The following REC114 variants were observed in gnomAD, a reference collection of about 807,000 sequenced individuals.
REC114 encodes meiotic recombination protein REC114.
Under a neutral mutation model 31.3 loss-of-function variants are expected in REC114, and 27 were observed. The observed-to-expected ratio is 0.86, with a 90% CI of 0.64 to 1.19. The LOEUF (loss-of-function observed/expected upper bound fraction) is 1.19. REC114 is among the 50% of genes most tolerant of loss of function. REC114 has a pLI of 0.00. For synonymous variants in REC114, 134 were observed against 127.7 expected (o/e 1.05, Z -0.33); for missense variants, 344 against 326.9 (o/e 1.05, Z -0.40).
At chr15:73,466,394 A>G (rs1893059737) in intron 1 of REC114, among the ~76,000 whole-genome samples, 1 of 151,928 alleles carries the variant, frequency 6.6e-6, no homozygotes, top group African/African-American at 2.4e-5. Flanking sequence ...CTCTACCAAA[A>G]ATACAAAAAA....
intron 3 of REC114, among the ~76,000 whole-genome samples, chr15:73,542,149 G>T (rs1378074591): frequency 6.6e-6 from 1 of 151,872 alleles, no homozygotes; most frequent in Non-Finnish European, 1.5e-5. Context: ...TGGACAACGT[G>T]ATGAAACCCC....
chr15:73,559,017 A>G lies in REC114; in HGVS notation c.637-735A>G, dbSNP rs138034093. Among the ~76,000 whole-genome samples, 8 of 152,354 alleles carry G rather than the reference A, an allele frequency of 5.3e-5. No individual in the cohort carries two copies. The East Asian group carries it at 1.5e-3, about 29-fold the overall frequency. On this transcript the variant is annotated intron_variant, in intron 5 of 5. Transcript: ENST00000331090. Reference sequence around the variant, plus strand: ...AACATCATGGATTAATCCCAAATGTATTCATTATGCTAAGTGTAAGAAGCC... The same window carrying G: ...AACATCATGGATTAATCCCAAATGTGTTCATTATGCTAAGTGTAAGAAGCC...
At chr15:73,450,678 A>G (rs1272769410) in intron 1 of REC114, among the ~76,000 whole-genome samples, 2 of 152,248 alleles carry the variant, frequency 1.3e-5, no homozygotes, top group Admixed American at 6.5e-5. Flanking sequence ...TCGAGAGAAT[A>G]TACATTCTTC....
At chr15:73,465,144 G>A (rs902419480) in intron 1 of REC114, among the ~76,000 whole-genome samples, 30 of 152,128 alleles carry the variant, frequency 2.0e-4, no homozygotes, top group African/African-American at 6.5e-4. Flanking sequence ...TGCCTGCTTC[G>A]GCCTCCCAAA....
chr15:73,544,425 CAATTT>C (rs1894281762), intron 3 of REC114, among the ~76,000 whole-genome samples: 1 of 152,132 alleles, frequency 6.6e-6, no homozygotes, highest in African/African-American at 2.4e-5. Context: ...CCTTTTATAG[CAATTT>C]AATATAAATT....
chr15:73,443,217 T>C lies in REC114; in HGVS notation c.32T>C (p.Leu11Pro). 6.3e-7 allele frequency: 1 copy of C among 1,575,880 alleles called. No individual in the cohort carries two copies. Among genetic ancestry groups the C allele is most frequent in the Non-Finnish European group, 8.6e-7 (1 of 1,161,768 alleles). The change falls in exon 1 of 6, where the codon CTC (leucine) becomes CCC (proline). Residue 11 changes from leucine (L) to proline (P), a missense_variant. Transcript: ENST00000331090. ...GAGGCAGGAAAAGTGCCCTTGAGCC[T>C]CGGGCTTACCGGAGGAGAAGCGGCA... MAEAGKVPLS[L>P]GLTGGEAAEW... is the part of the protein sequence containing the mutation.
At chr15:73,460,320 T>A (rs1279489763) in intron 1 of REC114, among the ~76,000 whole-genome samples, 3 of 152,180 alleles carry the variant, frequency 2.0e-5, no homozygotes, top group Non-Finnish European at 4.4e-5. Context: ...CCAAGAGTAT[T>A]AAAATTCATT....
At chr15:73,513,756 C>T (rs1482287509) in intron 2 of REC114, among the ~76,000 whole-genome samples, 136 of 151,540 alleles carry the variant, frequency 9.0e-4, no homozygotes, top group African/African-American at 2.9e-3. Flanking sequence ...TTAGGCTGCT[C>T]GGGGGTCAGG....
chr15:73,510,286 T>A (rs562960285), intron 2 of REC114, among the ~76,000 whole-genome samples: 650 of 152,358 alleles, frequency 4.3e-3, no homozygotes, highest in Non-Finnish European at 7.6e-3. Flanking sequence ...TTTTGCACAC[T>A]GATTTTGTAT....
intron 2 of REC114, among the ~76,000 whole-genome samples, chr15:73,487,109 CT>C (rs1323837024): frequency 6.6e-6 from 1 of 152,116 alleles, no homozygotes; most frequent in Non-Finnish European, 1.5e-5. Context: ...ACTTAATCAC[CT>C]CTTAAAGGTT....
intron 1 of REC114, among the ~76,000 whole-genome samples, chr15:73,471,627 G>A (rs1893133415): frequency 6.6e-6 from 1 of 151,980 alleles, no homozygotes; most frequent in Non-Finnish European, 1.5e-5. Flanking sequence ...GGGCTCTCCT[G>A]GAAGTTGTTG....
chr15:73,538,414 C>T (rs185069846), intron 2 of REC114, among the ~76,000 whole-genome samples: 1 of 149,630 alleles, frequency 6.7e-6, no homozygotes, highest in African/African-American at 2.4e-5. Context: ...AAAAGTGATA[C>T]TAGAGAACTT....
chr15:73,462,884 C>CAAA lies in REC114; in HGVS notation c.160-10927_160-10925dup, dbSNP rs769569268. Among the ~76,000 whole-genome samples the CAAA allele has an allele frequency of 7.0e-4, 39 of 55,632 alleles. 3 individuals carry two copies. The East Asian group carries it at 0.011, about 16-fold the overall frequency. The allele number at this position is 55,632 out of a possible 152,430, so 36.5% of individuals were successfully genotyped here. A position where few individuals can be genotyped will look rare whatever the true frequency, so the allele number is the denominator to read the frequency against. On this transcript the variant is annotated intron_variant, in intron 1 of 5. Transcript: ENST00000331090. ...TGGGCAACAGAGTGAGACTCCGTCT[C>CAAA]AAAAAAAAAAAAAAAAAAAAAAATT... is the stretch of plus-strand genomic sequence containing the variant.
chr15:73,503,166 G>A (rs1305456613), intron 2 of REC114, among the ~76,000 whole-genome samples: 1 of 152,130 alleles, frequency 6.6e-6, no homozygotes, highest in Non-Finnish European at 1.5e-5. Context: ...AGGCTCTTAG[G>A]TATTTATTCA....
At chr15:73,462,652 G>A (rs1313984407) in intron 1 of REC114, among the ~76,000 whole-genome samples, 1 of 152,044 alleles carries the variant, frequency 6.6e-6, no homozygotes, top group Non-Finnish European at 1.5e-5. Context: ...TTGGGAGGCC[G>A]AGGCAGGCGG....
intron 2 of REC114, among the ~76,000 whole-genome samples, chr15:73,517,266 A>G (rs1224368433): frequency 1.3e-5 from 2 of 152,232 alleles, no homozygotes; most frequent in East Asian, 3.8e-4. Context: ...AATTCTAAGC[A>G]AGGGAGTGAC....
rs1285803028 is a variant in REC114 at position 73,540,530 on chromosome 15, A to G, written c.295A>G (p.Arg99Gly). The change falls in exon 3 of 6, where the codon AGA (arginine) becomes GGA (glycine). Residue 99 changes from arginine (R) to glycine (G), a missense_variant. By Grantham distance (125) the Arg-to-Gly change is moderately radical (BLOSUM62 -2). Coordinates refer to ENST00000331090, the MANE Select transcript of REC114 (RefSeq NM_001042367.2). ...IGSKDWLKIV[R>G]RVDCLLFGTT... is the part of the protein sequence containing the mutation. ...TAGCAAGGACTGGTTGAAGATTGTAAGACGCGTGGATTGTCTGTTGTTTGG... is the reference window on the plus strand; with the variant it reads ...TAGCAAGGACTGGTTGAAGATTGTAGGACGCGTGGATTGTCTGTTGTTTGG... 2 of 1,613,962 alleles carry G rather than the reference A, an allele frequency of 1.2e-6. No homozygotes were observed. Among genetic ancestry groups the G allele is most frequent in the Non-Finnish European group, 1.7e-6 (2 of 1,179,852 alleles).
intron 2 of REC114, among the ~76,000 whole-genome samples, chr15:73,491,328 TTG>T (rs1167463057): frequency 6.6e-6 from 1 of 152,192 alleles, no homozygotes; most frequent in Non-Finnish European, 1.5e-5. Flanking sequence ...ATATAAGTAT[TTG>T]TGTATTATCT....
chr15:73,536,753 A>G (rs555366534), intron 2 of REC114, among the ~76,000 whole-genome samples: 2 of 152,354 alleles, frequency 1.3e-5, no homozygotes, highest in African/African-American at 4.8e-5. Context: ...GAACATTAGC[A>G]TAAGTCAAAT....
Sources: gnomAD v4.1 joint callset for allele counts (sites outside exome capture counted in the v4.1 genomes callset) on GRCh38, gnomAD v4.1.1 for gene constraint, MANE v1.5 for transcripts, NCBI Gene and HGNC (gene_info 2026-07-23, HGNC 2026-07-21) for gene names.